The following UBE3D variants were observed in gnomAD, a reference collection of about 807,000 sequenced individuals.
UBE3D encodes the protein E3 ubiquitin-protein ligase E3D.
In UBE3D, 48 loss-of-function variants were observed where a neutral mutation model predicts 49.6. That is an observed-to-expected ratio of 0.97 (90% CI 0.77 to 1.23). UBE3D has a LOEUF of 1.23. Ranked by LOEUF, UBE3D falls within the 50% of genes most tolerant of loss-of-function variation. UBE3D has a pLI of 0.00. For synonymous variants in UBE3D, 189 were observed against 174.2 expected (o/e 1.08, Z -0.67); for missense variants, 452 against 468.4 (o/e 0.96, Z 0.32).
chr6:82,930,327 G>A (rs1774054655), intron 9 of UBE3D, among the ~76,000 whole-genome samples: 1 of 152,250 alleles, frequency 6.6e-6, no homozygotes, highest in Non-Finnish European at 1.5e-5. Context: ...AGCAGCGTGA[G>A]AATGAATTAA....
At chr6:83,015,319 C>T (rs916536919) in intron 8 of UBE3D, among the ~76,000 whole-genome samples, 1 of 152,116 alleles carries the variant, frequency 6.6e-6, no homozygotes, top group South Asian at 2.1e-4. Context: ...CTCCCTAAGC[C>T]TTTGGATCCC....
At chr6:82,946,768 A>G (rs1227554081) in intron 9 of UBE3D, among the ~76,000 whole-genome samples, 1 of 152,124 alleles carries the variant, frequency 6.6e-6, no homozygotes, top group East Asian at 1.9e-4. Context: ...AAAGTGGGGG[A>G]CAAAGTTAAA....
At position 83,027,327 on chromosome 6, in the gene UBE3D, T is replaced by C. The variant is rs1781534029; in HGVS notation, c.668-3289A>G. 1.3e-5 allele frequency among the ~76,000 whole-genome samples: 2 copies of C among 149,786 alleles called. 1 individual carries two copies. Among genetic ancestry groups the C allele is most frequent in the South Asian group, 4.2e-4 (2 of 4,752 alleles). The stretch of plus-strand genomic sequence containing the variant: ...GGTGCATGTGTGTAATCCCAGCTAC[T>C]TGGAAGGCTGAGGCAGGAGAATCGC... On this transcript the variant is annotated intron_variant, in intron 5 of 9. Transcript: ENST00000369747.
intron 8 of UBE3D, among the ~76,000 whole-genome samples, chr6:83,009,675 G>T (rs73749500): frequency 9.2e-6 from 1 of 108,808 alleles, no homozygotes; most frequent in Non-Finnish European, 1.9e-5. Context: ...TTGAGTGAGC[G>T]CTCACATTTA....
At chr6:82,913,168 CCTCATGT>C (rs1392697098) in intron 9 of UBE3D, among the ~76,000 whole-genome samples, 1 of 152,152 alleles carries the variant, frequency 6.6e-6, no homozygotes, top group Non-Finnish European at 1.5e-5. Context: ...GCCTCAGTTT[CCTCATGT>C]GAAAAACAGA....
intron 3 of UBE3D, among the ~76,000 whole-genome samples, chr6:83,048,948 G>A (rs528187749): frequency 1.3e-5 from 2 of 151,856 alleles, no homozygotes; most frequent in African/African-American, 2.4e-5. Flanking sequence ...ACAGTGAAAC[G>A]ATTTCCTGAA....
intron 9 of UBE3D, among the ~76,000 whole-genome samples, chr6:82,939,736 AT>A (rs1387035285): frequency 6.6e-6 from 1 of 152,214 alleles, no homozygotes; most frequent in Non-Finnish European, 1.5e-5. Context: ...ACTCTATGAC[AT>A]TCTCTGTGAT....
chr6:82,916,745 C>T (rs1391410313), intron 9 of UBE3D, among the ~76,000 whole-genome samples: 24 of 152,206 alleles, frequency 1.6e-4, no homozygotes, highest in Non-Finnish European at 1.2e-4. Flanking sequence ...TGGGATCTAT[C>T]TCTAGTTCTA....
At chr6:83,040,780 T>G (rs1360941759) in intron 4 of UBE3D, among the ~76,000 whole-genome samples, 1 of 152,214 alleles carries the variant, frequency 6.6e-6, no homozygotes, top group Non-Finnish European at 1.5e-5. Context: ...GTGTGCCATC[T>G]CTGGCCATTG....
intron 5 of UBE3D, among the ~76,000 whole-genome samples, chr6:83,028,674 TG>T (rs1215365966): frequency 6.6e-6 from 1 of 152,232 alleles, no homozygotes; most frequent in African/African-American, 2.4e-5. Flanking sequence ...TCTGCTTTTC[TG>T]GTAATTTACC....
At chr6:83,050,889 T>A (rs561170646) in intron 3 of UBE3D, among the ~76,000 whole-genome samples, 1 of 152,188 alleles carries the variant, frequency 6.6e-6, no homozygotes, top group African/African-American at 2.4e-5. Context: ...CATGAAAAGG[T>A]TTTTGGGTAA....
chr6:83,041,095 G>T (rs1347371317), intron 4 of UBE3D, among the ~76,000 whole-genome samples: 1 of 152,186 alleles, frequency 6.6e-6, no homozygotes, highest in Non-Finnish European at 1.5e-5. Context: ...CTCATTAAAT[G>T]TTACCAAAAA....
At chr6:82,960,683 T>C (rs1776485221) in intron 8 of UBE3D, among the ~76,000 whole-genome samples, 1 of 152,006 alleles carries the variant, frequency 6.6e-6, no homozygotes, top group Non-Finnish European at 1.5e-5. Flanking sequence ...ATGTCTCTAA[T>C]TCTTTCTAGA....
intron 8 of UBE3D, among the ~76,000 whole-genome samples, chr6:82,961,962 A>C (rs570599273): frequency 3.5e-3 from 513 of 146,136 alleles, no homozygotes; most frequent in African/African-American, 0.012. Context: ...AAAAAAAAAA[A>C]CAAAAAAGAT....
chr6:82,950,324 A>G (rs1410085780), intron 9 of UBE3D, among the ~76,000 whole-genome samples: 2 of 152,210 alleles, frequency 1.3e-5, no homozygotes, highest in Non-Finnish European at 2.9e-5. Flanking sequence ...ATATCATCTC[A>G]CACCAGTTAA....
At chr6:83,028,475 C>T (rs1781638780) in intron 5 of UBE3D, among the ~76,000 whole-genome samples, 2 of 152,090 alleles carry the variant, frequency 1.3e-5, no homozygotes, top group Admixed American at 1.3e-4. Flanking sequence ...TCTACAATTC[C>T]ACAGGGCTGT....
intron 9 of UBE3D, among the ~76,000 whole-genome samples, chr6:82,933,245 T>A (rs911555773): frequency 2.6e-5 from 4 of 152,206 alleles, no homozygotes; most frequent in Non-Finnish European, 4.4e-5. Context: ...CATCTTTAGT[T>A]TAGACAGATT....
intron 1 of UBE3D, among the ~76,000 whole-genome samples, chr6:83,058,741 A>G (rs1446600647): frequency 6.6e-6 from 1 of 152,224 alleles, no homozygotes; most frequent in Non-Finnish European, 1.5e-5. Flanking sequence ...CAGAGGGTAG[A>G]CCATGTGCTC....
At chr6:82,977,896 A>C (rs1212748235) in intron 8 of UBE3D, among the ~76,000 whole-genome samples, 1 of 152,192 alleles carries the variant, frequency 6.6e-6, no homozygotes, top group Non-Finnish European at 1.5e-5. Context: ...TAGATTTACT[A>C]TAGGACCCAG....
Sources: allele counts gnomAD v4.1 joint callset (sites outside exome capture counted in the v4.1 genomes callset), GRCh38; gene constraint gnomAD v4.1.1; transcripts MANE v1.5; gene names NCBI Gene and HGNC (gene_info 2026-07-23, HGNC 2026-07-21).